Variants in FLNC observed in about 807,000 individuals in gnomAD.
FLNC encodes filamin-C.
A neutral mutation model predicts 254.3 loss-of-function variants in FLNC; 91 were observed. That is an observed-to-expected ratio of 0.36 (90% confidence interval 0.30 to 0.43). The LOEUF (loss-of-function observed/expected upper bound fraction) is 0.43, where lower values mean the gene tolerates loss of function less well. Ranked by LOEUF, FLNC falls within the 20% of genes least tolerant of loss-of-function variation. The pLI, the probability that FLNC is intolerant of heterozygous loss-of-function variation, is 1.00. For missense variants in FLNC, 2,853 were observed against 3,802.6 expected, an observed-to-expected ratio of 0.75 and a Z score of 6.57; for synonymous variants, 1,430 against 1,577.2, an observed-to-expected ratio of 0.91 and a Z score of 2.21.
Position 128,845,141 on chromosome 7 carries a change from A to G in FLNC, c.3676A>G (p.Ile1226Val), listed in dbSNP as rs1808506817. The G allele has an allele frequency of 1.2e-6, 2 of 1,613,942 alleles. No individual in the cohort carries two copies. Among genetic ancestry groups the G allele is most frequent in the Non-Finnish European group, 8.5e-7 (1 of 1,180,036 alleles). The change falls in exon 21 of 48, where the codon ATT (isoleucine) becomes GTT (valine). Residue 1226 changes from isoleucine (I) to valine (V), a missense_variant. Physicochemically the swap from Ile to Val is conservative, Grantham distance 29. Transcript: ENST00000325888. ...CCCTGCCTTCCCTGGCACCTACACC[A>G]TTACCATCAAGTATGGCGGGCATCC... ...YSPAFPGTYTITIKYGGHPVP... is the reference protein window; with the variant it reads ...YSPAFPGTYTVTIKYGGHPVP...
Position 128,842,346 on chromosome 7 carries a change from G to C in FLNC, c.2237G>C (p.Gly746Ala), listed in dbSNP as rs767964217. The change falls in exon 14 of 48, where the codon GGC (glycine) becomes GCC (alanine). Residue 746 changes from glycine to alanine, a missense_variant. This residue lies in a region of FLNC where 1,573 missense variants were observed against 1,883.5 expected (regional missense o/e 0.84). Transcript: ENST00000325888. The surrounding 1 kb of genome is among the most constrained non-coding windows in gnomAD (Gnocchi z 5.4). ...IKHTIIISWGGVNVPKSPFRV... is the reference protein window; with the variant it reads ...IKHTIIISWGAVNVPKSPFRV... ...CACACCATCATCATCTCCTGGGGAG[G>C]CGTAAACGTGCCCAAGAGCCCCTTC... 1 of 1,613,638 alleles carries C rather than the reference G, an allele frequency of 6.2e-7. No individual in the cohort carries two copies. Among genetic ancestry groups the C allele is most frequent in the Non-Finnish European group, 8.5e-7 (1 of 1,180,010 alleles).
Position 128,835,120 on chromosome 7 carries a change from C to T in FLNC, c.353-206C>T, listed in dbSNP as rs903568792. ...GGTACCTTCCAGAACCACAGGAACA[C>T]AGAGAAGCAGCCTTCTGACCGGAAG... On this transcript the variant is annotated intron_variant, in intron 1 of 47. Coordinates refer to ENST00000325888, the MANE Select transcript of FLNC (RefSeq NM_001458.5). This position sits in a 1 kb window ranked among gnomAD's most constrained non-coding sequence, Gnocchi z 5.3. Among the ~76,000 whole-genome samples, 3 of 152,172 alleles carry T rather than the reference C, an allele frequency of 2.0e-5. No individual in the cohort carries two copies. The highest frequency in any genetic ancestry group is 4.4e-5 in the Non-Finnish European group (3 of 68,046).
intron 10 of FLNC, 30 bp from the exon 11 acceptor site, chr7:128,840,803 TG>T: frequency 6.2e-7 from 1 of 1,613,448 alleles, no homozygotes; most frequent in Non-Finnish European, 8.5e-7. Flanking sequence ...GGGCACTTCC[TG>T]GCATGGACAC....
In FLNC at chr7:128,853,735, G is replaced by A; in HGVS notation, c.6382G>A (p.Val2128Met). The change falls in exon 39 of 48, where the codon GTG (valine) becomes ATG (methionine). Residue 2128 changes from valine to methionine, a missense_variant. Val to Met is a conservative substitution (Grantham distance 21). Around this residue, in one of 10 missense-constraint regions of FLNC, gnomAD observed 551 missense variants for 835.0 expected, o/e 0.66. Transcript: ENST00000325888. The part of the protein sequence containing the change: ...HVPGSPFTVK[V>M]TGEGRMKESI... The stretch of plus-strand genomic sequence containing the variant: ...TTCAGGAAGCCCCTTCACTGTGAAG[G>A]TGACCGGCGAGGGCCGCATGAAGGA... The A allele has an allele frequency of 6.2e-7, 1 of 1,613,922 alleles. No homozygotes were observed. Among genetic ancestry groups the A allele is most frequent in the Non-Finnish European group, 8.5e-7 (1 of 1,180,046 alleles).
intron 26 of FLNC, 45 bp from the exon 27 acceptor site, chr7:128,848,516 C>A (rs765536321): frequency 3.1e-6 from 5 of 1,607,754 alleles, no homozygotes; most frequent in Admixed American, 3.3e-5. Context: ...CCCACCGCCC[C>A]GTCCATGCCA....
Position 128,837,993 on chromosome 7 carries a change from G to T in FLNC, c.976G>T (p.Val326Leu). 1 of 1,613,868 alleles carries T rather than the reference G, an allele frequency of 6.2e-7. No individual in the cohort carries two copies. The highest frequency in any genetic ancestry group is 2.2e-5 in the East Asian group (1 of 44,880). Reference protein sequence around the residue: ...DPEGHTEEAKVVPNNDKDRTY... With the variant: ...DPEGHTEEAKLVPNNDKDRTY... ...TCTTTTTCCTTCCTAATAGGCTAAG[G>T]TGGTTCCCAACAATGACAAGGATCG... The change falls in exon 6 of 48, where the codon GTG becomes TTG. Residue 326 changes from valine (V) to leucine (L), a missense_variant. Physicochemically the swap from Val to Leu is conservative, Grantham distance 32. This residue lies in a region of FLNC where 1,573 missense variants were observed against 1,883.5 expected (regional missense o/e 0.84). Transcript: ENST00000325888.
At position 128,835,663 on chromosome 7, in the gene FLNC, A is replaced by G; in HGVS notation, c.601+89A>G. On this transcript the variant is annotated intron_variant, in intron 2 of 47. Transcript: ENST00000325888. This position sits in a 1 kb window ranked among gnomAD's most constrained non-coding sequence, Gnocchi z 5.3. The stretch of plus-strand genomic sequence containing the variant: ...GGCTGCCAAGGCGTGTGGTTGTCAG[A>G]ATGCACACCCTGGGGCCTGGGGGCC... The G allele has an allele frequency of 1.4e-6, 2 of 1,445,184 alleles. No homozygotes were observed. Among genetic ancestry groups the G allele is most frequent in the East Asian group, 4.6e-5 (2 of 43,518 alleles). The allele number at this position is 1,445,184 out of a possible 1,614,324, so 89.5% of individuals were successfully genotyped here. A position where few individuals can be genotyped will look rare whatever the true frequency, so the allele number is the denominator to read the frequency against.
Position 128,846,445 on chromosome 7 carries a change from G to A in FLNC, c.4109G>A (p.Arg1370Gln), listed in dbSNP as rs761881020. ...GGTGGCTTGGTCAACAAGGCCAACC[G>A]ATTCACTGTGGAGACCAGGTATCCT... ...LEGGLVNKAN[R>Q]FTVETRGAGT... The change falls in exon 23 of 48, where the codon CGA becomes CAA. Residue 1370 changes from arginine (R) to glutamine (Q), a missense_variant. By Grantham distance (43) the Arg-to-Gln change is conservative. Transcript: ENST00000325888. The A allele has an allele frequency of 8.7e-6, 14 of 1,602,688 alleles. No individual in the cohort carries two copies. The highest frequency in any genetic ancestry group is 1.6e-4 in the Middle Eastern group (1 of 6,084).
chr7:128,840,117 G>A lies in FLNC; in HGVS notation c.1506G>A (p.Lys502=), dbSNP rs749823564. 2.5e-6 allele frequency: 4 copies of A among 1,614,148 alleles called. No individual in the cohort carries two copies. The South Asian group carries it at 4.4e-5, about 18-fold the overall frequency. ...TGGCTGACTTCAAGGTGTTTACCAAGGGTGCCGGCAGCGGGGAGCTCAAGG... is the reference window on the plus strand; with the variant it reads ...TGGCTGACTTCAAGGTGTTTACCAAAGGTGCCGGCAGCGGGGAGCTCAAGG... ...KEVADFKVFT[K]GAGSGELKVT... Residue 502 remains lysine (K), a synonymous_variant, in exon 9 of 48, where the codon AAG becomes AAA. Transcript: ENST00000325888.
In FLNC at chr7:128,858,580, C is replaced by T. The variant is rs28727967; in HGVS notation, c.*57C>T. ...CACCTCCAGCCACACACACATTACACACACACACACACACACACAAATGTG... is the reference window on the plus strand; with the variant it reads ...CACCTCCAGCCACACACACATTACATACACACACACACACACACAAATGTG... On this transcript the variant is annotated 3_prime_UTR_variant, in exon 48 of 48. Transcript: ENST00000325888. The surrounding 1 kb of genome is among the most constrained non-coding windows in gnomAD (Gnocchi z 6.7). 1.5e-5 allele frequency: 11 copies of T among 724,180 alleles called. No homozygotes were observed. The highest frequency in any genetic ancestry group is 4.6e-5 in the Admixed American group (2 of 43,166). The allele number at this position is 724,180 out of a possible 1,614,324, so 44.9% of individuals were successfully genotyped here.
chr7:128,853,910 G>A, intron 39 of FLNC, 64 bp from the exon 40 acceptor site: 2 of 1,613,068 alleles, frequency 1.2e-6, no homozygotes, highest in Non-Finnish European at 1.7e-6. Context: ...CCACCTGTCG[G>A]GCCTCCACCC....
rs577664185 is a variant in FLNC, at chr7:128,858,418, G to A, written c.8073G>A (p.Val2691=). 30 of 1,607,818 alleles carry A rather than the reference G, an allele frequency of 1.9e-5. No individual in the cohort carries two copies. Among genetic ancestry groups the A allele is most frequent in the Non-Finnish European group, 2.3e-5 (27 of 1,174,842 alleles). ...EVYVKHMGNR[V]YNVTYTVKEK... is the part of the protein sequence containing the mutation. ...ACGTGAAGCACATGGGGAACCGGGT[G>A]TACAATGTCACCTACACTGTCAAGG... The change falls in exon 48 of 48, where the codon GTG becomes GTA. Residue 2691 remains valine (V), a synonymous_variant. Transcript: ENST00000325888. The surrounding 1 kb of genome is among the most constrained non-coding windows in gnomAD (Gnocchi z 6.7).
Position 128,840,913 on chromosome 7 carries a change from G to C in FLNC, c.1756G>C (p.Val586Leu), listed in dbSNP as rs1406758907. Residue 586 changes from valine (V) to leucine (L), a missense_variant, in exon 11 of 48, where the codon GTG becomes CTG. Transcript: ENST00000325888. Reference sequence around the variant, plus strand: ...GGGTCCTGGTTTGGAGACTGGCCAGGTGGGCAAGTCAGCCGATTTTGTGGT... The same window carrying C: ...GGGTCCTGGTTTGGAGACTGGCCAGCTGGGCAAGTCAGCCGATTTTGTGGT... ...AWGPGLETGQ[V>L]GKSADFVVEA... 1 of 1,612,356 alleles carries C rather than the reference G, an allele frequency of 6.2e-7. No homozygotes were observed. Among genetic ancestry groups the C allele is most frequent in the Non-Finnish European group, 8.5e-7 (1 of 1,179,392 alleles).
chr7:128,853,512 G>A lies in FLNC; in HGVS notation c.6252G>A (p.Val2084=), dbSNP rs1386646158. The change falls in exon 38 of 48, where the codon GTG becomes GTA. Residue 2084 remains valine, a synonymous_variant. Transcript: ENST00000325888. ...TGAGTATTGAAGGCCCAAGCAAGGT[G>A]GACATCAACTGTGAGGACATGGAGG... The part of the protein sequence containing the change: ...LGLSIEGPSK[V]DINCEDMEDG... 2 of 1,614,086 alleles carry A rather than the reference G, an allele frequency of 1.2e-6. No individual in the cohort carries two copies. The highest frequency in any genetic ancestry group is 1.7e-5 in the Admixed American group (1 of 60,022).
intron 9 of FLNC, 102 bp downstream of exon 9, chr7:128,840,262 C>A: frequency 7.1e-7 from 1 of 1,405,942 alleles, no homozygotes; most frequent in Non-Finnish European, 9.9e-7. Context: ...GCCAGCACCA[C>A]AGCTCCACAG....
chr7:128,844,343 C>T (rs1044518643), intron 20 of FLNC, 77 bp downstream of exon 20: 1 of 1,487,998 alleles, frequency 6.7e-7, no homozygotes, highest in Non-Finnish European at 9.0e-7. Context: ...GGGGCAGAGG[C>T]CAGAGGGACT....
intron 1 of FLNC, among the ~76,000 whole-genome samples, chr7:128,833,376 T>C (rs1444041241): frequency 6.6e-6 from 1 of 152,096 alleles, no homozygotes; most frequent in Non-Finnish European, 1.5e-5. Flanking sequence ...CCTTTGGGGG[T>C]ATCCCTAGGC....
intron 21 of FLNC, 90 bp from the exon 22 acceptor site, chr7:128,845,900 A>C: frequency 9.1e-7 from 1 of 1,103,502 alleles, no homozygotes; most frequent in Non-Finnish European, 1.3e-6. Context: ...GAGGAGAGGG[A>C]GAGGAGAGGG....
chr7:128,839,407 T>C (rs1292124233), intron 8 of FLNC, among the ~76,000 whole-genome samples: 1 of 152,198 alleles, frequency 6.6e-6, no homozygotes, highest in Non-Finnish European at 1.5e-5. Flanking sequence ...TGCCATCGCC[T>C]ATGGTCATGG....
Sources: allele counts gnomAD v4.1 joint callset (sites outside exome capture counted in the v4.1 genomes callset), GRCh38; gene constraint gnomAD v4.1.1; regional missense constraint gnomAD v4.1.1; non-coding constraint Gnocchi (gnomAD v3.1); transcripts MANE v1.5; gene names NCBI Gene and HGNC (gene_info 2026-07-23, HGNC 2026-07-21).